The following LAMA5 variants were observed in gnomAD, a reference collection of about 807,000 sequenced individuals.
LAMA5 encodes laminin subunit alpha-5.
LAMA5 carries 260 observed loss-of-function variants against 433.4 expected under a neutral mutation model. The ratio of observed to expected loss-of-function variants is 0.60; its 90% confidence interval spans 0.54 to 0.66. LAMA5 has a LOEUF of 0.66. Ranked by LOEUF, LAMA5 falls within the 30% of genes least tolerant of loss-of-function variation. LAMA5 has a pLI of 0.00. For synonymous variants in LAMA5, 2,620 were observed against 2,226.6 expected, an observed-to-expected ratio of 1.18 and a Z score of -4.97; for missense variants, 5,378 against 5,258.5, an observed-to-expected ratio of 1.02 and a Z score of -0.70.
chr20:62,324,348 T>C lies in LAMA5; in HGVS notation c.5643+93A>G, dbSNP rs1020133245. The C allele has an allele frequency of 1.1e-5, 16 of 1,428,406 alleles. No homozygotes were observed. Among genetic ancestry groups the C allele is most frequent in the Non-Finnish European group, 1.4e-5 (15 of 1,035,166 alleles). The allele number at this position is 1,428,406 out of a possible 1,614,324, so 88.5% of individuals were successfully genotyped here. ...GGCAACACCCTTCCCCAGACCTCAG[T>C]TGACCTGGAAGTGCAGCCCCTGGTC... On this transcript the variant is annotated intron_variant, in intron 42 of 79. Coordinates refer to ENST00000252999, the MANE Select transcript of LAMA5 (RefSeq NM_005560.6). The surrounding 1 kb of genome is among the most constrained non-coding windows in gnomAD (Gnocchi z 4.4).
chr20:62,332,016 C>T (rs1231210459), intron 28 of LAMA5, among the ~76,000 whole-genome samples: 5 of 151,224 alleles, frequency 3.3e-5, no homozygotes, highest in South Asian at 2.1e-4. Context: ...CTTGCCATTG[C>T]GCTCCAGCCT....
At chr20:62,338,206 C>A (rs373153984) in intron 13 of LAMA5, 26 bp downstream of exon 13, 1 of 1,576,232 alleles carries the variant, frequency 6.3e-7, no homozygotes, top group Non-Finnish European at 8.6e-7. Context: ...CCCCTACCCA[C>A]GCCCACGTGG....
chr20:62,351,826 C>G (rs774545181), intron 5 of LAMA5, 25 bp from the exon 6 acceptor site: 2 of 1,587,254 alleles, frequency 1.3e-6, no homozygotes, highest in East Asian at 4.6e-5. Flanking sequence ...CCCGTGAGCA[C>G]CAGGCGGCCA....
At position 62,321,423 on chromosome 20, in the gene LAMA5, TCAG is replaced by T. The variant is rs1987735091; in HGVS notation, c.6497-536_6497-534del. Among the ~76,000 whole-genome samples the T allele has an allele frequency of 1.3e-3, 5 of 3,892 alleles. 1 individual carries two copies. The highest frequency in any genetic ancestry group is 2.2e-3 in the Non-Finnish European group (5 of 2,250). 2.6% of individuals were successfully genotyped at this position (3,892 alleles called of 152,430 possible). On this transcript the variant is annotated intron_variant, in intron 48 of 79. Transcript: ENST00000252999. ...GGGTGGGTTCAGAGGACGGGTAGGG[TCAG>T]TGGAGGGGTAGGGCCAGCAGAGGGG...
rs74567136 is a variant in LAMA5 at position 62,328,222 on chromosome 20, C to T, written c.4652+19G>A. The T allele has an allele frequency of 0.024, 38,398 of 1,583,426 alleles. 539 individuals are homozygous for T. The highest frequency in any genetic ancestry group is 0.028 in the Non-Finnish European group (32,373 of 1,163,960). The stretch of plus-strand genomic sequence containing the variant: ...TTAAGGCCACCAGGGGCCGCGCTGA[C>T]GCCGCTCTGGGCTCTCACTTGCACT... On this transcript the variant is annotated intron_variant, in intron 35 of 79. Transcript: ENST00000252999.
In LAMA5 at chr20:62,327,519, G is replaced by A; in HGVS notation, c.4938+10C>T. The stretch of plus-strand genomic sequence containing the variant: ...CCGAGAAGGCAATGCCCTCAGTCCT[G>A]CAGGCGCACCTCCTGGCGGGTGTAG... On this transcript the variant is annotated intron_variant, in intron 37 of 79. Transcript: ENST00000252999. 1.9e-6 allele frequency: 3 copies of A among 1,612,872 alleles called. No individual in the cohort carries two copies. The highest frequency in any genetic ancestry group is 2.5e-6 in the Non-Finnish European group (3 of 1,179,986).
At chr20:62,339,231 C>CTTTT (rs151158845) in intron 11 of LAMA5, among the ~76,000 whole-genome samples, 13 of 55,990 alleles carry the variant, frequency 2.3e-4, no homozygotes, top group African/African-American at 5.4e-4. Flanking sequence ...ATTATAGTTT[C>CTTTT]TTTTTTTTTT....
chr20:62,329,746 G>T lies in LAMA5; in HGVS notation c.4119+31C>A, dbSNP rs370459552. 13 of 1,610,608 alleles carry T rather than the reference G, an allele frequency of 8.1e-6. No individual in the cohort carries two copies. The South Asian group carries it at 1.3e-4, about 16-fold the overall frequency. On this transcript the variant is annotated intron_variant, in intron 32 of 79. Transcript: ENST00000252999. The stretch of plus-strand genomic sequence containing the variant: ...GTAATGACAAGTATAAGGACAGCTG[G>T]TCCCTGAGCAGGACATCAGCTGGGA...
Position 62,317,717 on chromosome 20 carries a change from C to A in LAMA5, c.7301G>T (p.Arg2434Met). The change falls in exon 54 of 80, where the codon AGG becomes ATG. Residue 2434 changes from arginine (R) to methionine (M), a missense_variant. Coordinates refer to ENST00000252999, the MANE Select transcript of LAMA5 (RefSeq NM_005560.6). ...TCTGAAGACGCTGGCCAGGGTGTCC[C>A]TAGCCGCATGCAGAGTGGCCTGCAG... ...ATLQATLHAA[R>M]DTLASVFRLL... 6.2e-7 allele frequency: 1 copy of A among 1,606,902 alleles called. No individual in the cohort carries two copies.
chr20:62,309,422 GCCT>G lies in LAMA5; in HGVS notation c.10999_11001del (p.Arg3667del), dbSNP rs760585578. On this transcript the variant is annotated inframe_deletion, in exon 80 of 80. Transcript: ENST00000252999. ...GCGACGGGGGACCGGTTCACCGCCA[GCCT>G]CCTCATGCAGCCGCAGTAGGCGGGG... 28 of 1,584,360 alleles carry G rather than the reference GCCT, an allele frequency of 1.8e-5. No homozygotes were observed. Among genetic ancestry groups the G allele is most frequent in the South Asian group, 4.5e-5 (4 of 87,958 alleles).
At position 62,309,149 on chromosome 20, in the gene LAMA5, G is replaced by A. The variant is rs1423983121; in HGVS notation, c.*187C>T. 2 of 649,802 alleles carry A rather than the reference G, an allele frequency of 3.1e-6. No homozygotes were observed. Among genetic ancestry groups the A allele is most frequent in the Non-Finnish European group, 5.0e-6 (2 of 403,270 alleles). The allele number at this position is 649,802 out of a possible 1,614,324, so 40.3% of individuals were successfully genotyped here. On this transcript the variant is annotated 3_prime_UTR_variant, in exon 80 of 80. Coordinates refer to ENST00000252999, the MANE Select transcript of LAMA5 (RefSeq NM_005560.6). Reference sequence around the variant, plus strand: ...TCTCACAATTAAAAATGGGTGGAAGGGCCAAATATAAAAACATTTTGCAGT... The same window carrying A: ...TCTCACAATTAAAAATGGGTGGAAGAGCCAAATATAAAAACATTTTGCAGT...
chr20:62,347,984 G>A (rs1983634949), intron 6 of LAMA5, among the ~76,000 whole-genome samples: 1 of 152,188 alleles, frequency 6.6e-6, no homozygotes, highest in Non-Finnish European at 1.5e-5. Flanking sequence ...CAGCACAGGT[G>A]ATCAACAAAG....
In LAMA5 at chr20:62,312,664, C is replaced by T; in HGVS notation, c.9195G>A (p.Leu3065=). ...GCAGCTGGTCGGGCGGCACGCCCCC[C>T]AGGTAGTAGGCGTCGGCCAGCTCCA... The part of the protein sequence containing the change: ...NDLELADAYY[L]GGVPPDQLPP... Residue 3065 remains leucine, a synonymous_variant, in exon 67 of 80, where the codon CTG becomes CTA. Transcript: ENST00000252999. 2 of 1,607,712 alleles carry T rather than the reference C, an allele frequency of 1.2e-6. No individual in the cohort carries two copies. The highest frequency in any genetic ancestry group is 2.7e-5 in the African/African-American group (2 of 74,944).
Position 62,337,814 on chromosome 20 carries a change from G to C in LAMA5, c.2016C>G (p.Pro672=). 1 of 1,612,680 alleles carries C rather than the reference G, an allele frequency of 6.2e-7. No homozygotes were observed. Among genetic ancestry groups the C allele is most frequent in the Non-Finnish European group, 8.5e-7 (1 of 1,179,890 alleles). Residue 672 remains proline, a synonymous_variant, in exon 15 of 80, where the codon CCC becomes CCG. Coordinates refer to ENST00000252999, the MANE Select transcript of LAMA5 (RefSeq NM_005560.6). ...QECSPGFHGF[P]SCVPCHCSAE... Reference sequence around the variant, plus strand: ...TCCCTAGGCACTCACGGACACAGCTGGGGAAGCCGTGAAAGCCGGGGCTGC... The same window carrying C: ...TCCCTAGGCACTCACGGACACAGCTCGGGAAGCCGTGAAAGCCGGGGCTGC...
intron 3 of LAMA5, 187 bp downstream of exon 3, chr20:62,352,947 C>T (rs372337696): frequency 5.7e-6 from 3 of 530,754 alleles, no homozygotes; most frequent in East Asian, 3.3e-5. Context: ...TGGCTGTGCC[C>T]GACGCCAGGG....
chr20:62,314,526 G>C (rs371266012), intron 61 of LAMA5, 29 bp downstream of exon 61: 2 of 1,605,358 alleles, frequency 1.2e-6, no homozygotes, highest in Non-Finnish European at 1.7e-6. Context: ...GCCTGAGCTC[G>C]GGCCGCATCC....
chr20:62,351,052 CCTGTGAGGGG>C lies in LAMA5; in HGVS notation c.956+642_956+651del. ...TGCCAGCACCAGGGCTGCTGCCCAT[CCTGTGAGGGG>C]CTCCCGGGAGGTGGATGCTCTGCAG... is the stretch of plus-strand genomic sequence containing the variant. On this transcript the variant is annotated intron_variant, in intron 6 of 79. Coordinates refer to ENST00000252999, the MANE Select transcript of LAMA5 (RefSeq NM_005560.6). 3 of 154,556 alleles carry C rather than the reference CCTGTGAGGGG, an allele frequency of 1.9e-5. 1 individual carries two copies. The Middle Eastern group carries it at 0.01, about 522-fold the overall frequency. 9.6% of individuals were successfully genotyped at this position (154,556 alleles called of 1,614,324 possible). A position where few individuals can be genotyped will look rare whatever the true frequency, so the allele number is the denominator to read the frequency against.
chr20:62,358,498 G>A (rs1435102260), intron 2 of LAMA5, among the ~76,000 whole-genome samples: 3 of 152,174 alleles, frequency 2.0e-5, no homozygotes, highest in Non-Finnish European at 4.4e-5. Context: ...GCCCAACCAG[G>A]CCCAGGGAGC....
intron 11 of LAMA5, chr20:62,342,336 A>G (rs1982728827): frequency 2.7e-6 from 1 of 372,236 alleles, no homozygotes; most frequent in African/African-American, 2.3e-5. Flanking sequence ...ATTGAATACA[A>G]TAGCCACAGA....
Sources: allele counts gnomAD v4.1 joint callset (sites outside exome capture counted in the v4.1 genomes callset), GRCh38; gene constraint gnomAD v4.1.1; non-coding constraint Gnocchi (gnomAD v3.1); transcripts MANE v1.5; gene names NCBI Gene and HGNC (gene_info 2026-07-23, HGNC 2026-07-21).